POLR2F: variants seen among roughly 807,000 people sequenced by gnomAD.
POLR2F encodes the protein DNA-directed RNA polymerases I, II, and III subunit RPABC2.
Under a neutral mutation model 22.7 loss-of-function variants are expected in POLR2F, and 12 were observed. The observed-to-expected ratio is 0.53, with a 90% CI of 0.34 to 0.86. The LOEUF (loss-of-function observed/expected upper bound fraction) is 0.86, where lower values mean the gene tolerates loss of function less well. Among genes scored for constraint, POLR2F ranks in the 40% least tolerant of loss-of-function variants. The probability of loss-of-function intolerance (pLI) is 0.02; values close to 1 mark genes in which losing one functional copy is unlikely to be tolerated. For synonymous variants in POLR2F, 57 were observed against 66.0 expected (o/e 0.86, Z 0.66); for missense variants, 126 against 171.5 (o/e 0.73, Z 1.48).
At position 37,980,623 on chromosome 22, in the gene POLR2F, C is replaced by A. The variant is rs1247811338; in HGVS notation, c.293+13453C>A. ...CACCATGTAAACCCAATCTCCAGCA[C>A]CAGTCCCCACTCAACATTACCAGCC... On this transcript the variant is annotated intron_variant, in intron 4 of 4. Coordinates refer to the POLR2F transcript ENST00000405557. The surrounding 1 kb of genome is among the most constrained non-coding windows in gnomAD (Gnocchi z 4.1). 6.6e-6 allele frequency among the ~76,000 whole-genome samples: 1 copy of A among 152,190 alleles called. No homozygotes were observed. Among genetic ancestry groups the A allele is most frequent in the African/African-American group, 2.4e-5 (1 of 41,446 alleles).
chr22:38,013,271 G>A (rs2084888251), intron 1 of POLR2F, among the ~76,000 whole-genome samples: 1 of 152,054 alleles, frequency 6.6e-6, no homozygotes, highest in African/African-American at 2.4e-5. Context: ...TCAGCTTCCT[G>A]AGTAGCTGGG....
intron 1 of POLR2F, among the ~76,000 whole-genome samples, chr22:38,025,321 A>T (rs2084996949): frequency 6.6e-6 from 1 of 152,122 alleles, no homozygotes; most frequent in Non-Finnish European, 1.5e-5. Context: ...GCACACATGC[A>T]CGTACACACA....
downstream of POLR2F, chr22:37,973,378 C>A: frequency 2.8e-6 from 2 of 702,862 alleles, no homozygotes; most frequent in Non-Finnish European, 4.6e-6. Flanking sequence ...GACCTGTCAG[C>A]CTCTTCAGCC....
chr22:38,003,583 T>G (rs2084794193), intron 1 of POLR2F, among the ~76,000 whole-genome samples: 2 of 150,936 alleles, frequency 1.3e-5, no homozygotes, highest in Admixed American at 6.6e-5. Flanking sequence ...GCCTATTTTT[T>G]TTTTTTTCTT....
chr22:37,987,896 G>C (rs527593551), intron 1 of POLR2F: 392 of 154,042 alleles, frequency 2.5e-3, no homozygotes, highest in African/African-American at 8.8e-3. Flanking sequence ...GTAGGGCAGT[G>C]CTTCTCAAAT....
At chr22:38,031,287 A>G (rs1208588836), downstream of POLR2F, among the ~76,000 whole-genome samples, 1 of 152,254 alleles carries the variant, frequency 6.6e-6, no homozygotes, top group East Asian at 1.9e-4. This position sits in a 1 kb window ranked among gnomAD's most constrained non-coding sequence, Gnocchi z 4.1. Flanking sequence ...GGATGGTTGC[A>G]AGGATTAAAT....
chr22:38,040,898 A>T, intron 5 of POLR2F: 1 of 1,005,290 alleles, frequency 9.9e-7, no homozygotes, highest in Admixed American at 2.1e-5. Context: ...CAAGGGGAAC[A>T]TGGGGGCAAG....
In POLR2F at chr22:38,016,069, C is replaced by A. The variant is rs1203745361; in HGVS notation, c.121-9800C>A. Among the ~76,000 whole-genome samples, 1 of 152,174 alleles carries A rather than the reference C, an allele frequency of 6.6e-6. No homozygotes were observed. The highest frequency in any genetic ancestry group is 1.5e-5 in the Non-Finnish European group (1 of 68,028). ...GCAGTGTCAGGCCCACTGCCCTAGG[C>A]TCCTACATACTCATCCTCTATGTTC... On this transcript the variant is annotated intron_variant, in intron 1 of 2. Transcript: ENST00000333418. The surrounding 1 kb of genome is among the most constrained non-coding windows in gnomAD (Gnocchi z 4.4).
At chr22:38,038,100 G>C (rs1480531823) in intron 5 of POLR2F, among the ~76,000 whole-genome samples, 3 of 151,756 alleles carry the variant, frequency 2.0e-5, no homozygotes, top group Admixed American at 1.3e-4. Context: ...CCAGTGTTGG[G>C]GGGTAGAAGG....
downstream of POLR2F, chr22:37,970,989 T>G (rs1344502175): frequency 7.3e-6 from 2 of 273,630 alleles, no homozygotes; most frequent in Non-Finnish European, 1.5e-5. Context: ...CTTGAAGAGC[T>G]TCCATGATGC....
At chr22:38,027,259 G>T (rs1569184047), downstream of POLR2F, among the ~76,000 whole-genome samples, 1 of 152,176 alleles carries the variant, frequency 6.6e-6, no homozygotes. Context: ...CCCATGCTGG[G>T]TGAGGGGCAC....
intron 3 of POLR2F, among the ~76,000 whole-genome samples, chr22:37,960,587 C>T (rs1172654488): frequency 2.6e-5 from 4 of 151,656 alleles, no homozygotes; most frequent in East Asian, 2.0e-4. Flanking sequence ...TTAGTGGAGA[C>T]GGGGTTTCAC....
At chr22:37,990,825 A>G (rs2145788315) in intron 1 of POLR2F, among the ~76,000 whole-genome samples, 1 of 152,330 alleles carries the variant, frequency 6.6e-6, no homozygotes, top group East Asian at 1.9e-4. Context: ...GTGTTTCCAT[A>G]TTTGATAACC....
intron 2 of POLR2F, chr22:38,026,261 C>T (rs2085009212): frequency 5.6e-6 from 3 of 533,130 alleles, no homozygotes; most frequent in South Asian, 2.8e-5. Context: ...CCCTCTCTTT[C>T]CCTCCTGCCC....
chr22:37,976,920 G>C (rs1932237588), intron 4 of POLR2F, among the ~76,000 whole-genome samples: 1 of 152,084 alleles, frequency 6.6e-6, no homozygotes, highest in Non-Finnish European at 1.5e-5. Context: ...TGGCTGGTGG[G>C]ATTTGGGAGG....
chr22:37,973,877 A>G (rs1422616172), downstream of POLR2F: 2 of 1,610,414 alleles, frequency 1.2e-6, no homozygotes, highest in South Asian at 1.1e-5. Context: ...GGGCAGAGCC[A>G]CGCCTGGTGG....
chr22:37,996,471 C>A (rs73417808), intron 1 of POLR2F, among the ~76,000 whole-genome samples: 3,104 of 152,330 alleles, frequency 0.02, 114 homozygotes, highest in African/African-American at 0.071. Context: ...CCCTTCCTCT[C>A]CCTCATTTGG....
At chr22:38,037,194 C>T (rs2145836550) in intron 5 of POLR2F, among the ~76,000 whole-genome samples, 1 of 152,272 alleles carries the variant, frequency 6.6e-6, no homozygotes, top group Admixed American at 6.5e-5. Context: ...ACTGCTCAAT[C>T]AGTGTTTGTG....
In POLR2F at chr22:37,986,563, G is replaced by A. The variant is rs1024842093; in HGVS notation, c.120+251G>A. On this transcript the variant is annotated intron_variant, in intron 1 of 2. Coordinates refer to the POLR2F transcript ENST00000333418. The surrounding 1 kb of genome is among the most constrained non-coding windows in gnomAD (Gnocchi z 4.7). ...TGGGGGTGGGGGTAGCAGTGGGCAC[G>A]CTCTGTCTGCAGGAAGCCACGCTAG... is the stretch of plus-strand genomic sequence containing the variant. 1.9e-5 allele frequency: 16 copies of A among 843,790 alleles called. No homozygotes were observed. The highest frequency in any genetic ancestry group is 1.0e-4 in the Admixed American group (5 of 49,954). The allele number at this position is 843,790 out of a possible 1,614,324, so 52.3% of individuals were successfully genotyped here.
Sources: allele counts gnomAD v4.1 joint callset (sites outside exome capture counted in the v4.1 genomes callset), GRCh38; gene constraint gnomAD v4.1.1; non-coding constraint Gnocchi (gnomAD v3.1); transcripts MANE v1.5; gene names NCBI Gene and HGNC (gene_info 2026-07-23, HGNC 2026-07-21).